TRMT61B: variants seen among roughly 807,000 people sequenced by gnomAD.
TRMT61B encodes tRNA (adenine(58)-N(1))-methyltransferase, mitochondrial.
TRMT61B carries 56 observed loss-of-function variants against 52.0 expected under a neutral mutation model. That is an observed-to-expected ratio of 1.08 (90% CI 0.87 to 1.35). The LOEUF (loss-of-function observed/expected upper bound fraction) is 1.35, where lower values mean the gene tolerates loss of function less well. Among genes scored for constraint, TRMT61B ranks in the 40% most tolerant of loss-of-function variants. The pLI is 0.00. For synonymous variants in TRMT61B, 206 were observed against 220.0 expected (o/e 0.94, Z 0.56); for missense variants, 650 against 577.9 (o/e 1.12, Z -1.28).
intron 3 of TRMT61B, 114 bp downstream of exon 3, chr2:28,861,004 C>A: frequency 2.3e-6 from 2 of 866,690 alleles, no homozygotes; most frequent in South Asian, 4.4e-5. Context: ...CTTTCAATCC[C>A]TAGAGATAGA....
At chr2:28,865,628 G>A (rs1270008619) in intron 1 of TRMT61B, among the ~76,000 whole-genome samples, 1 of 147,466 alleles carries the variant, frequency 6.8e-6, no homozygotes, top group African/African-American at 2.5e-5. Flanking sequence ...AGGAAGACCA[G>A]TTAGGAATTT....
chr2:28,861,394 G>T, intron 2 of TRMT61B, 86 bp from the exon 3 acceptor site: 1 of 1,045,072 alleles, frequency 9.6e-7, no homozygotes, highest in Non-Finnish European at 1.3e-6. Flanking sequence ...GGTACTACAT[G>T]TATGTGAAAA....
chr2:28,867,286 G>A (rs567480400), intron 1 of TRMT61B, among the ~76,000 whole-genome samples: 6 of 152,174 alleles, frequency 3.9e-5, no homozygotes, highest in African/African-American at 1.2e-4. Flanking sequence ...GTAGAGACAA[G>A]GTCTCCCTAT....
chr2:28,853,512 T>C (rs984436555), intron 3 of TRMT61B, among the ~76,000 whole-genome samples: 1 of 152,188 alleles, frequency 6.6e-6, no homozygotes, highest in African/African-American at 2.4e-5. Flanking sequence ...CTTATAAATT[T>C]AAATGCTTTA....
intron 3 of TRMT61B, among the ~76,000 whole-genome samples, chr2:28,853,899 A>G (rs1558339927): frequency 6.6e-6 from 1 of 152,180 alleles, no homozygotes; most frequent in East Asian, 1.9e-4. Flanking sequence ...ATACATGGCT[A>G]TAGTCACAGA....
intron 2 of TRMT61B, among the ~76,000 whole-genome samples, chr2:28,864,697 T>C (rs2148146969): frequency 6.6e-6 from 1 of 152,298 alleles, no homozygotes; most frequent in African/African-American, 2.4e-5. Flanking sequence ...CAAAGATTCA[T>C]TGAGATATAC....
At chr2:28,855,874 G>A (rs1444799438) in intron 3 of TRMT61B, among the ~76,000 whole-genome samples, 1 of 152,196 alleles carries the variant, frequency 6.6e-6, no homozygotes, top group Non-Finnish European at 1.5e-5. Flanking sequence ...AGGAGGCTGA[G>A]ACAGGAGAAA....
intron 2 of TRMT61B, among the ~76,000 whole-genome samples, chr2:28,863,367 G>T (rs1669688509): frequency 6.6e-6 from 1 of 150,640 alleles, no homozygotes; most frequent in South Asian, 2.1e-4. Context: ...GAGGGTCAAG[G>T]CTGTAGTGAG....
intron 3 of TRMT61B, 58 bp downstream of exon 3, chr2:28,861,060 G>T: frequency 1.4e-6 from 2 of 1,420,638 alleles, no homozygotes; most frequent in South Asian, 1.5e-5. Context: ...AAAGAAGCCT[G>T]ACCCCTATCT....
intron 4 of TRMT61B, among the ~76,000 whole-genome samples, chr2:28,851,530 C>T (rs1009916440): frequency 2.6e-5 from 4 of 152,100 alleles, no homozygotes; most frequent in Non-Finnish European, 5.9e-5. Context: ...AACATTTCTT[C>T]CAGATTGTCA....
chr2:28,860,009 T>C (rs1572543881), intron 3 of TRMT61B, among the ~76,000 whole-genome samples: 2 of 152,112 alleles, frequency 1.3e-5, no homozygotes, highest in South Asian at 2.1e-4. Flanking sequence ...CAGTGGCTCA[T>C]GCCTGTAATC....
chr2:28,853,384 C>G (rs1202701129), intron 3 of TRMT61B, among the ~76,000 whole-genome samples: 1 of 152,130 alleles, frequency 6.6e-6, no homozygotes, highest in Non-Finnish European at 1.5e-5. Flanking sequence ...CCATGTTGCC[C>G]AGGCTGGTCT....
rs1204753731 is a variant in TRMT61B, at chr2:28,861,150, T to C, written c.961A>G (p.Thr321Ala). The change falls in exon 3 of 7, where the codon ACC becomes GCC. Residue 321 changes from threonine (T) to alanine (A), a missense_variant. By Grantham distance (58) the Thr-to-Ala change is moderately conservative. Transcript: ENST00000306108. ...DFIHKDISGA[T>A]EDIKSLTFDA... Reference sequence around the variant, plus strand: ...AATGTTAAAGATTTTATGTCTTCGGTTGCTCCTGAAATGTCCTTATGAATA... The same window carrying C: ...AATGTTAAAGATTTTATGTCTTCGGCTGCTCCTGAAATGTCCTTATGAATA... 6.2e-7 allele frequency: 1 copy of C among 1,607,164 alleles called. No homozygotes were observed. The highest frequency in any genetic ancestry group is 1.3e-5 in the African/African-American group (1 of 74,632).
Position 28,852,463 on chromosome 2 carries a change from G to A in TRMT61B, c.1030C>T (p.Pro344Ser). ...LDMLNPHVTL[P>S]VFYPHLKHGG... ...TGCTTAAGATGTGGGTAAAAAACAG[G>A]CAAAGTAACATGAGGATTTAACATA... Residue 344 changes from proline to serine, a missense_variant, in exon 4 of 7, where the codon CCT (proline) becomes TCT (serine). Pro to Ser is a moderately conservative substitution (Grantham distance 74, BLOSUM62 -1). Coordinates refer to ENST00000306108, the MANE Select transcript of TRMT61B (RefSeq NM_017910.4). 6.2e-7 allele frequency: 1 copy of A among 1,612,520 alleles called. No individual in the cohort carries two copies. The highest frequency in any genetic ancestry group is 1.1e-5 in the South Asian group (1 of 90,972).
intron 3 of TRMT61B, among the ~76,000 whole-genome samples, chr2:28,856,689 C>A (rs1278131824): frequency 6.6e-6 from 1 of 151,622 alleles, no homozygotes; most frequent in East Asian, 1.9e-4. Context: ...GGTTGGAGTA[C>A]AATGGTGCGA....
chr2:28,850,243 C>T lies in TRMT61B; in HGVS notation c.1391-1G>A. Reference sequence around the variant, plus strand: ...ACCTTCCTCAACTTGACAAGAAAAGCTAATTTAAGAGAAGAAAAACATAAA... The same window carrying T: ...ACCTTCCTCAACTTGACAAGAAAAGTTAATTTAAGAGAAGAAAAACATAAA... On this transcript the variant is annotated splice_acceptor_variant, in intron 6 of 6. Coordinates refer to ENST00000306108, the MANE Select transcript of TRMT61B (RefSeq NM_017910.4). LOFTEE classifies it high-confidence loss of function. 1 of 1,610,886 alleles carries T rather than the reference C, an allele frequency of 6.2e-7. No homozygotes were observed. The highest frequency in any genetic ancestry group is 1.1e-5 in the South Asian group (1 of 90,476).
intron 1 of TRMT61B, 26 bp downstream of exon 1, chr2:28,869,553 T>A: frequency 6.5e-7 from 1 of 1,543,224 alleles, no homozygotes; most frequent in Non-Finnish European, 8.9e-7. Flanking sequence ...CTGAAACCAA[T>A]ACACACCTTA....
At chr2:28,868,454 G>GT (rs1468722547) in intron 1 of TRMT61B, among the ~76,000 whole-genome samples, 1 of 152,122 alleles carries the variant, frequency 6.6e-6, no homozygotes, top group Non-Finnish European at 1.5e-5. Flanking sequence ...TAACACTACT[G>GT]GAAATGACCT....
intron 1 of TRMT61B, among the ~76,000 whole-genome samples, chr2:28,866,031 C>G (rs918630914): frequency 1.2e-4 from 18 of 150,366 alleles, no homozygotes; most frequent in Admixed American, 4.0e-4. Context: ...GCTCTGTCAC[C>G]CAGGCTGGAG....
Sources: gnomAD v4.1 joint callset for allele counts (sites outside exome capture counted in the v4.1 genomes callset) on GRCh38, gnomAD v4.1.1 for gene constraint, MANE v1.5 for transcripts, NCBI Gene and HGNC (gene_info 2026-07-23, HGNC 2026-07-21) for gene names.